The following IDE variants were observed in gnomAD, a reference collection of about 807,000 sequenced individuals.
IDE encodes insulin-degrading enzyme.
In IDE, 58 loss-of-function variants were observed where a neutral mutation model predicts 133.2. The ratio of observed to expected loss-of-function variants is 0.44; its 90% CI spans 0.35 to 0.54. IDE has a LOEUF of 0.54. Ranked by LOEUF, IDE falls within the 20% of genes least tolerant of loss-of-function variation. The pLI is 0.00. For synonymous variants in IDE, 396 were observed against 421.3 expected, an observed-to-expected ratio of 0.94 and a Z score of 0.73; for missense variants, 981 against 1,234.0, an observed-to-expected ratio of 0.79 and a Z score of 3.07.
intron 21 of IDE, among the ~76,000 whole-genome samples, chr10:92,462,855 AT>A (rs1176894829): frequency 6.6e-6 from 1 of 152,224 alleles, no homozygotes; most frequent in Admixed American, 6.5e-5. Flanking sequence ...CAAATGCTCA[AT>A]AAATGAGAGA....
At chr10:92,495,133 G>A (rs1345298198) in intron 11 of IDE, among the ~76,000 whole-genome samples, 2 of 149,464 alleles carry the variant, frequency 1.3e-5, no homozygotes, top group Non-Finnish European at 3.0e-5. Context: ...GTATGATCTC[G>A]GCTCCCTGGA....
At chr10:92,480,283 T>C (rs747873661) in intron 14 of IDE, among the ~76,000 whole-genome samples, 2 of 152,230 alleles carry the variant, frequency 1.3e-5, no homozygotes, top group Admixed American at 6.5e-5. Context: ...TCAACAAATA[T>C]GTATTATATG....
chr10:92,508,599 C>T (rs1848427931), intron 7 of IDE, 129 bp downstream of exon 7: 1 of 715,560 alleles, frequency 1.4e-6, no homozygotes, highest in South Asian at 2.3e-5. Context: ...CAACAACCAC[C>T]ATCTCACTCA....
chr10:92,527,490 T>C (rs1380410906), intron 4 of IDE, among the ~76,000 whole-genome samples: 1 of 152,172 alleles, frequency 6.6e-6, no homozygotes, highest in Non-Finnish European at 1.5e-5. Flanking sequence ...TTACAGGACT[T>C]TCAACTGGCA....
intron 4 of IDE, among the ~76,000 whole-genome samples, chr10:92,527,755 G>A (rs904944681): frequency 2.6e-5 from 4 of 152,172 alleles, no homozygotes; most frequent in African/African-American, 4.8e-5. Flanking sequence ...GGTGGCTAAT[G>A]CCTGTAATCC....
chr10:92,495,132 C>T (rs1465153935), intron 11 of IDE, among the ~76,000 whole-genome samples: 5 of 147,036 alleles, frequency 3.4e-5, no homozygotes, highest in Non-Finnish European at 7.5e-5. Flanking sequence ...GGTATGATCT[C>T]GGCTCCCTGG....
chr10:92,458,722 G>A lies in IDE; in HGVS notation c.2824-2291C>T, dbSNP rs571362168. Among the ~76,000 whole-genome samples, 113 of 151,922 alleles carry A rather than the reference G, an allele frequency of 7.4e-4. 1 individual carries two copies. The highest frequency in any genetic ancestry group is 3.7e-3 in the South Asian group (18 of 4,806). On this transcript the variant is annotated intron_variant, in intron 22 of 24. Coordinates refer to ENST00000265986, the MANE Select transcript of IDE (RefSeq NM_004969.4). ...TCACCATGTTGGTCAGGCTGGTCTC[G>A]AACTCCTGACCTCGTGATCTGCCCA... is the stretch of plus-strand genomic sequence containing the variant.
In IDE at chr10:92,542,791, A is replaced by C. The variant is rs553355178; in HGVS notation, c.99-5241T>G. Among the ~76,000 whole-genome samples the C allele has an allele frequency of 5.3e-5, 8 of 152,364 alleles. No homozygotes were observed. In the East Asian group the frequency reaches 1.5e-3, roughly 29 times the overall value. Reference sequence around the variant, plus strand: ...TGGAAAAACAAGAAGCGTGGTGCTAATGAACTACAACAGGAACTCCAGGTC... The same window carrying C: ...TGGAAAAACAAGAAGCGTGGTGCTACTGAACTACAACAGGAACTCCAGGTC... On this transcript the variant is annotated intron_variant, in intron 1 of 24. Transcript: ENST00000265986.
intron 12 of IDE, 38 bp from the exon 13 acceptor site, chr10:92,487,356 C>CTGATT (rs1429090562): frequency 1.3e-6 from 2 of 1,581,086 alleles, no homozygotes; most frequent in Admixed American, 3.6e-5. Flanking sequence ...CAGTAAGAGT[C>CTGATT]TGATTTAAGA....
chr10:92,534,706 G>C lies in IDE; in HGVS notation c.363C>G (p.Tyr121Ter). The C allele has an allele frequency of 6.2e-7, 1 of 1,613,452 alleles. No individual in the cohort carries two copies. The highest frequency in any genetic ancestry group is 8.5e-7 in the Non-Finnish European group (1 of 1,179,568). ...ACTGGCTGTATTCATTTTCTTTAGGGTATTTCTTTGTTCCCAAAAAAAGCA... is the reference window on the plus strand; with the variant it reads ...ACTGGCTGTATTCATTTTCTTTAGGCTATTTCTTTGTTCCCAAAAAAAGCA... ...EHMLFLGTKK[Y>*]PKENEYSQFL... is the part of the protein sequence containing the mutation. Residue 121 changes from tyrosine (Y) to a stop codon, truncating the protein, a stop_gained, in exon 3 of 25, where the codon TAC (tyrosine) becomes TAG (stop). Transcript: ENST00000265986. LOFTEE classifies it high-confidence loss of function.
chr10:92,474,798 A>G, intron 17 of IDE, 43 bp downstream of exon 17: 2 of 1,560,384 alleles, frequency 1.3e-6, no homozygotes, highest in Non-Finnish European at 8.7e-7. Flanking sequence ...TGAATTTAGG[A>G]AAAAAATGAA....
At chr10:92,561,990 C>G (rs1016169569) in intron 1 of IDE, among the ~76,000 whole-genome samples, 2 of 151,980 alleles carry the variant, frequency 1.3e-5, no homozygotes, top group African/African-American at 2.4e-5. Context: ...GTTTACAAGG[C>G]CAAAAAAGTA....
In IDE at chr10:92,453,092, G is replaced by A. The variant is rs1844828796; in HGVS notation, c.*1352C>T. 1 of 152,154 alleles carries A rather than the reference G, an allele frequency of 6.6e-6. No individual in the cohort carries two copies. The highest frequency in any genetic ancestry group is 2.4e-5 in the African/African-American group (1 of 41,446). 9.4% of individuals were successfully genotyped at this position (152,154 alleles called of 1,614,324 possible). ...CCTAGCCAATCAAATCATATGGGGA[G>A]GTAAAATGTCCTTCAAAAATGCCAT... On this transcript the variant is annotated 3_prime_UTR_variant, in exon 25 of 25. Coordinates refer to ENST00000265986, the MANE Select transcript of IDE (RefSeq NM_004969.4).
chr10:92,473,541 G>A (rs1277794342), intron 17 of IDE, among the ~76,000 whole-genome samples: 2 of 151,172 alleles, frequency 1.3e-5, no homozygotes, highest in Admixed American at 6.6e-5. Flanking sequence ...TAAGATTCTA[G>A]GGAAAAAAAC....
Position 92,514,600 on chromosome 10 carries a change from A to C in IDE, c.784+320T>G, listed in dbSNP as rs1041098398. On this transcript the variant is annotated intron_variant, in intron 5 of 24. Transcript: ENST00000265986. ...CAGGTGCAGACTACCACATCCCACT[A>C]ATTTAAAAAAATTTTTTTTGGTAGA... Among the ~76,000 whole-genome samples the C allele has an allele frequency of 5.3e-5, 8 of 152,102 alleles. No homozygotes were observed. In the East Asian group the frequency reaches 1.5e-3, roughly 29 times the overall value.
At chr10:92,492,208 C>T (rs879644644) in intron 11 of IDE, among the ~76,000 whole-genome samples, 10 of 150,598 alleles carry the variant, frequency 6.6e-5, no homozygotes, top group African/African-American at 2.0e-4. Flanking sequence ...TGCAGTGAGC[C>T]GAGACTGCAC....
chr10:92,524,873 C>G (rs1445315653), intron 4 of IDE, among the ~76,000 whole-genome samples: 1 of 151,954 alleles, frequency 6.6e-6, no homozygotes, highest in Non-Finnish European at 1.5e-5. Flanking sequence ...CGAGATGGCA[C>G]CACTGTACTC....
rs1408325467 is a variant in IDE at position 92,480,956 on chromosome 10, C to T, written c.1740-1535G>A. On this transcript the variant is annotated intron_variant, in intron 14 of 24. Transcript: ENST00000265986. ...AAAATAGGGATAAAATGTGTAGTCA[C>T]TTAGAGAATTAAAATCAAAGACAAA... 3 of 917,580 alleles carry T rather than the reference C, an allele frequency of 3.3e-6. No homozygotes were observed. In the African/African-American group the frequency reaches 5.4e-5, roughly 16 times the overall value. 56.8% of individuals were successfully genotyped at this position (917,580 alleles called of 1,614,324 possible). A position where few individuals can be genotyped will look rare whatever the true frequency, so the allele number is the denominator to read the frequency against.
At chr10:92,483,895 G>A (rs1846774801) in intron 13 of IDE, among the ~76,000 whole-genome samples, 2 of 152,156 alleles carry the variant, frequency 1.3e-5, no homozygotes, top group African/African-American at 2.4e-5. Context: ...CTCACTTTGG[G>A]GGAAGCCTGC....
Sources: allele counts gnomAD v4.1 joint callset (sites outside exome capture counted in the v4.1 genomes callset), GRCh38; gene constraint gnomAD v4.1.1; transcripts MANE v1.5; gene names NCBI Gene and HGNC (gene_info 2026-07-23, HGNC 2026-07-21).